The following IMMP2L variants were observed in gnomAD, a reference collection of about 807,000 sequenced individuals.
The protein encoded by IMMP2L is mitochondrial inner membrane protease subunit 2.
IMMP2L carries 18 observed loss-of-function variants against 19.3 expected under a neutral mutation model. The observed-to-expected ratio is 0.93, with a 90% confidence interval of 0.64 to 1.38. The LOEUF is 1.38. IMMP2L is among the 40% of genes most tolerant of loss of function. IMMP2L has a pLI of 0.00. For synonymous variants in IMMP2L, 76 were observed against 73.0 expected, an observed-to-expected ratio of 1.04 and a Z score of -0.21; for missense variants, 233 against 218.2, an observed-to-expected ratio of 1.07 and a Z score of -0.43.
At chr7:111,330,286 A>G (rs2130648073) in intron 3 of IMMP2L, among the ~76,000 whole-genome samples, 1 of 151,912 alleles carries the variant, frequency 6.6e-6, no homozygotes, top group South Asian at 2.1e-4. Context: ...AAAATCAACT[A>G]AATGAATAAA....
At chr7:111,299,800 T>C (rs1468613447) in intron 3 of IMMP2L, among the ~76,000 whole-genome samples, 1 of 151,976 alleles carries the variant, frequency 6.6e-6, no homozygotes, top group African/African-American at 2.4e-5. Context: ...TATGGTCTGT[T>C]TACACATAGA....
intron 3 of IMMP2L, among the ~76,000 whole-genome samples, chr7:111,243,442 T>C (rs1037351547): frequency 2.6e-5 from 4 of 151,990 alleles, no homozygotes; most frequent in Non-Finnish European, 4.4e-5. Flanking sequence ...TCCTTCATGT[T>C]TTACATATAT....
intron 5 of IMMP2L, among the ~76,000 whole-genome samples, chr7:110,824,487 C>A (rs1324455451): frequency 6.6e-6 from 1 of 152,074 alleles, no homozygotes; most frequent in Non-Finnish European, 1.5e-5. Context: ...CCATGTCAGC[C>A]TCCTGACTAG....
At chr7:110,908,579 C>G (rs932022571) in intron 4 of IMMP2L, among the ~76,000 whole-genome samples, 1 of 152,150 alleles carries the variant, frequency 6.6e-6, no homozygotes, top group South Asian at 2.1e-4. Flanking sequence ...GAGAAAGTTA[C>G]CATATCTTTA....
chr7:110,706,315 G>C lies in IMMP2L; in HGVS notation c.409-42594C>G, dbSNP rs1446135297. 2.6e-5 allele frequency among the ~76,000 whole-genome samples: 4 copies of C among 152,050 alleles called. No individual in the cohort carries two copies. The East Asian group carries it at 7.7e-4, about 29-fold the overall frequency. On this transcript the variant is annotated intron_variant, in intron 5 of 5. Coordinates refer to ENST00000405709, the MANE Select transcript of IMMP2L (RefSeq NM_032549.4). ...GATGAGGTCTAGCCATCTTGCCAAG[G>C]CTGGTCTTGAACTCCAGGGCCCCAG... is the stretch of plus-strand genomic sequence containing the variant.
intron 5 of IMMP2L, among the ~76,000 whole-genome samples, chr7:110,751,411 C>T (rs1439979095): frequency 6.6e-6 from 1 of 151,888 alleles, no homozygotes; most frequent in African/African-American, 2.4e-5. Context: ...TTTTTCTAAG[C>T]CTTTTACAAA....
At chr7:111,272,276 T>C (rs1377387617) in intron 3 of IMMP2L, among the ~76,000 whole-genome samples, 2 of 152,172 alleles carry the variant, frequency 1.3e-5, no homozygotes, top group Non-Finnish European at 2.9e-5. Context: ...CTCAGGGCTT[T>C]TGCTCATGCT....
chr7:110,882,102 C>T (rs971136543), intron 5 of IMMP2L, among the ~76,000 whole-genome samples: 1 of 152,048 alleles, frequency 6.6e-6, no homozygotes, highest in Non-Finnish European at 1.5e-5. Context: ...TCTATTGACC[C>T]TCTTACCTGC....
chr7:110,878,685 G>A (rs1202438823), intron 5 of IMMP2L, among the ~76,000 whole-genome samples: 2 of 151,810 alleles, frequency 1.3e-5, no homozygotes, highest in Non-Finnish European at 2.9e-5. Context: ...TTGCTGAAAT[G>A]GAGGCCAGAA....
intron 5 of IMMP2L, among the ~76,000 whole-genome samples, chr7:110,696,669 G>A (rs1355454654): frequency 2.6e-5 from 4 of 151,862 alleles, no homozygotes; most frequent in Non-Finnish European, 4.4e-5. Flanking sequence ...CAGGTAATCC[G>A]CAAACCTCAG....
chr7:111,107,725 T>C (rs1798706503), intron 3 of IMMP2L, among the ~76,000 whole-genome samples: 1 of 152,136 alleles, frequency 6.6e-6, no homozygotes, highest in African/African-American at 2.4e-5. Context: ...TTATTTCAGA[T>C]CTAGTGAGTA....
chr7:111,486,046 T>C (rs1342941529), intron 3 of IMMP2L, among the ~76,000 whole-genome samples: 1 of 152,094 alleles, frequency 6.6e-6, no homozygotes. Context: ...AAAGGTTGTT[T>C]AGGAGGTTGC....
At chr7:110,908,396 C>A (rs1255002455) in intron 4 of IMMP2L, among the ~76,000 whole-genome samples, 18 of 152,172 alleles carry the variant, frequency 1.2e-4, no homozygotes, top group Admixed American at 1.2e-3. Context: ...TTAGCATTCA[C>A]TCTACTGAGA....
intron 3 of IMMP2L, among the ~76,000 whole-genome samples, chr7:110,972,488 G>A (rs1311156738): frequency 9.2e-5 from 14 of 152,142 alleles, no homozygotes; most frequent in Admixed American, 7.9e-4. Flanking sequence ...ACTACATGGA[G>A]CTATAGAGAG....
chr7:111,516,753 G>T (rs1333228912), intron 2 of IMMP2L, among the ~76,000 whole-genome samples: 2 of 152,036 alleles, frequency 1.3e-5, no homozygotes, highest in African/African-American at 2.4e-5. Flanking sequence ...ATCCTAAGGG[G>T]TAAAACATCA....
Position 110,690,216 on chromosome 7 carries a change from C to A in IMMP2L, c.409-26495G>T, listed in dbSNP as rs548411033. 1.4e-4 allele frequency among the ~76,000 whole-genome samples: 21 copies of A among 152,162 alleles called. 1 individual carries two copies. Among genetic ancestry groups the A allele is most frequent in the Non-Finnish European group, 2.8e-4 (19 of 68,026 alleles). ...AATCTCCCAAACTGTGACAGCTTCA[C>A]ATTTTGAGTGCATCGTTCTTAGCTT... is the stretch of plus-strand genomic sequence containing the variant. On this transcript the variant is annotated intron_variant, in intron 5 of 5. Transcript: ENST00000405709.
intron 5 of IMMP2L, among the ~76,000 whole-genome samples, chr7:110,721,937 G>C (rs1485539582): frequency 6.6e-6 from 1 of 152,086 alleles, no homozygotes; most frequent in Non-Finnish European, 1.5e-5. Flanking sequence ...AGATAAGACA[G>C]AATTGAAGTG....
chr7:110,702,975 G>A (rs1794390389), intron 5 of IMMP2L, among the ~76,000 whole-genome samples: 1 of 151,998 alleles, frequency 6.6e-6, no homozygotes, highest in African/African-American at 2.4e-5. Flanking sequence ...AGCTTTACCT[G>A]GTTTTCTGTT....
chr7:111,124,957 C>A, intron 3 of IMMP2L: 3 of 1,167,966 alleles, frequency 2.6e-6, no homozygotes, highest in Non-Finnish European at 2.4e-6. Context: ...CGAAAGACTG[C>A]AGTTGTGCTA....
Sources: allele counts gnomAD v4.1 joint callset (sites outside exome capture counted in the v4.1 genomes callset), GRCh38; gene constraint gnomAD v4.1.1; transcripts MANE v1.5; gene names NCBI Gene and HGNC (gene_info 2026-07-23, HGNC 2026-07-21).